CD226: variants seen among roughly 807,000 people sequenced by gnomAD.
CD226 encodes CD226 antigen.
In CD226, 24 loss-of-function variants were observed where a neutral mutation model predicts 34.9. The observed-to-expected ratio is 0.69, with a 90% CI of 0.50 to 0.97. The LOEUF is 0.97. CD226 is among the 50% of genes least tolerant of loss of function. CD226 has a pLI of 0.00. For missense variants in CD226, 397 were observed against 412.7 expected, an observed-to-expected ratio of 0.96 and a Z score of 0.33; for synonymous variants, 148 against 147.4, an observed-to-expected ratio of 1.00 and a Z score of -0.03.
At chr18:69,955,397 G>A (rs551719295) in intron 1 of CD226, among the ~76,000 whole-genome samples, 2 of 152,324 alleles carry the variant, frequency 1.3e-5, no homozygotes, top group African/African-American at 4.8e-5. Context: ...CTATTCACAT[G>A]CTGGAAAGCA....
At chr18:69,931,261 T>C (rs940598356) in intron 2 of CD226, among the ~76,000 whole-genome samples, 5 of 151,956 alleles carry the variant, frequency 3.3e-5, no homozygotes, top group African/African-American at 7.2e-5. Flanking sequence ...AGGGATAGCA[T>C]TAGGAGATAT....
At chr18:69,917,334 T>C (rs951533641) in intron 2 of CD226, among the ~76,000 whole-genome samples, 1 of 152,076 alleles carries the variant, frequency 6.6e-6, no homozygotes, top group East Asian at 1.9e-4. Context: ...ATCCTCCAAC[T>C]CACCACATAC....
chr18:69,870,272 C>CTT (rs66643759), intron 4 of CD226, among the ~76,000 whole-genome samples: 3,613 of 124,054 alleles, frequency 0.029, 119 homozygotes, highest in Non-Finnish European at 0.043. Context: ...TTGGCTCCCC[C>CTT]TTTTTTTTTT....
At chr18:69,926,561 T>C (rs1182811723) in intron 2 of CD226, among the ~76,000 whole-genome samples, 1 of 152,196 alleles carries the variant, frequency 6.6e-6, no homozygotes, top group Admixed American at 6.5e-5. Flanking sequence ...CAGTTCCTGA[T>C]GGAATGCCTG....
upstream of CD226, among the ~76,000 whole-genome samples, chr18:69,948,517 C>T (rs1019752224): frequency 1.5e-4 from 23 of 152,086 alleles, no homozygotes; most frequent in South Asian, 4.1e-4. Context: ...CAGCAAGTGT[C>T]GACTACTCAG....
At chr18:69,925,011 A>G (rs1241987870) in intron 2 of CD226, among the ~76,000 whole-genome samples, 2 of 152,250 alleles carry the variant, frequency 1.3e-5, no homozygotes, top group African/African-American at 4.8e-5. Context: ...GATAAGCAAC[A>G]TATATTACTT....
At chr18:69,916,963 G>C (rs2055393393) in intron 2 of CD226, among the ~76,000 whole-genome samples, 1 of 152,052 alleles carries the variant, frequency 6.6e-6, no homozygotes, top group South Asian at 2.1e-4. Context: ...CTTCCTTTGT[G>C]CATCCCTCCC....
chr18:69,918,309 T>C (rs2055410176), intron 2 of CD226, among the ~76,000 whole-genome samples: 1 of 152,138 alleles, frequency 6.6e-6, no homozygotes, highest in Non-Finnish European at 1.5e-5. Context: ...TCCCAGCACT[T>C]TGGGAGGCCG....
At chr18:69,942,701 C>T (rs2055740708) in intron 2 of CD226, among the ~76,000 whole-genome samples, 1 of 152,130 alleles carries the variant, frequency 6.6e-6, no homozygotes, top group South Asian at 2.1e-4. Context: ...TCTTCCTTTC[C>T]TGGGAGGCTG....
At chr18:69,883,404 A>G (rs1192009708) in intron 3 of CD226, among the ~76,000 whole-genome samples, 1 of 152,196 alleles carries the variant, frequency 6.6e-6, no homozygotes, top group East Asian at 1.9e-4. Context: ...CAAACATACA[A>G]GAGTATAATG....
chr18:69,936,234 T>G (rs1379263047), intron 2 of CD226, among the ~76,000 whole-genome samples: 6 of 152,218 alleles, frequency 3.9e-5, no homozygotes, highest in Admixed American at 3.9e-4. Flanking sequence ...TTTCTCTTTT[T>G]TTTTGATTTT....
At chr18:69,928,882 G>A (rs144472352) in intron 2 of CD226, among the ~76,000 whole-genome samples, 43 of 152,294 alleles carry the variant, frequency 2.8e-4, no homozygotes, top group African/African-American at 9.9e-4. Flanking sequence ...AGGATGCCTA[G>A]GGAATTTGCA....
At chr18:69,893,381 G>A (rs938426083) in intron 3 of CD226, among the ~76,000 whole-genome samples, 1 of 152,138 alleles carries the variant, frequency 6.6e-6, no homozygotes, top group African/African-American at 2.4e-5. Flanking sequence ...ACAGATGAAT[G>A]ACATTTTTAT....
chr18:69,947,540 A>G lies in CD226; in HGVS notation c.-134T>C. 1.9e-6 allele frequency: 1 copy of G among 520,802 alleles called. No individual in the cohort carries two copies. Among genetic ancestry groups the G allele is most frequent in the Non-Finnish European group, 3.4e-6 (1 of 296,762 alleles). The allele number at this position is 520,802 out of a possible 1,614,324, so 32.3% of individuals were successfully genotyped here. A position where few individuals can be genotyped will look rare whatever the true frequency, so the allele number is the denominator to read the frequency against. On this transcript the variant is annotated 5_prime_UTR_variant, in exon 1 of 6. Transcript: ENST00000582621. ...CAGTCGTGTCTTCTTTTTCTGAAGT[A>G]TGAACACAGGAAAAAGGCCTTAGCT...
At chr18:69,879,352 C>T (rs1322265198) in intron 3 of CD226, among the ~76,000 whole-genome samples, 1 of 152,068 alleles carries the variant, frequency 6.6e-6, no homozygotes, top group African/African-American at 2.4e-5. Context: ...GCAGACACCC[C>T]CCGCTGAGAG....
intron 3 of CD226, among the ~76,000 whole-genome samples, chr18:69,886,716 T>A (rs1364506441): frequency 4.7e-5 from 7 of 149,082 alleles, no homozygotes; most frequent in South Asian, 2.1e-4. Context: ...AAAAAAAAAA[T>A]AAAAATAAAA....
At chr18:69,869,660 AAAAT>A (rs1983378751) in intron 4 of CD226, among the ~76,000 whole-genome samples, 1 of 152,200 alleles carries the variant, frequency 6.6e-6, no homozygotes, top group Non-Finnish European at 1.5e-5. Context: ...CCCTGAACTT[AAAAT>A]AAATGTTAAG....
chr18:69,940,129 A>G (rs965171275), intron 2 of CD226, among the ~76,000 whole-genome samples: 1 of 152,002 alleles, frequency 6.6e-6, no homozygotes, highest in Non-Finnish European at 1.5e-5. Flanking sequence ...TGCTCTGGGC[A>G]CTCACTCTTC....
upstream of CD226, among the ~76,000 whole-genome samples, chr18:69,951,091 TGGG>T (rs2055850327): frequency 1.3e-5 from 2 of 151,790 alleles, no homozygotes; most frequent in Non-Finnish European, 2.9e-5. Flanking sequence ...TTCAGCCTCC[TGGG>T]TAGCTGGGAC....
Sources: gnomAD v4.1 joint callset for allele counts (sites outside exome capture counted in the v4.1 genomes callset) on GRCh38, gnomAD v4.1.1 for gene constraint, MANE v1.5 for transcripts, NCBI Gene and HGNC (gene_info 2026-07-23, HGNC 2026-07-21) for gene names.